Variants in AGTR1 observed in about 807,000 individuals in gnomAD.
The protein encoded by AGTR1 is type-1 angiotensin II receptor.
Under a neutral mutation model 19.4 loss-of-function variants are expected in AGTR1, and 16 were observed. The ratio of observed to expected loss-of-function variants is 0.82; its 90% CI spans 0.56 to 1.25. The LOEUF (loss-of-function observed/expected upper bound fraction) is 1.25. Among genes scored for constraint, AGTR1 ranks in the 50% most tolerant of loss-of-function variants. The pLI, the probability that AGTR1 is intolerant of heterozygous loss-of-function variation, is 0.00. For synonymous variants in AGTR1, 153 were observed against 154.9 expected (o/e 0.99, Z 0.09); for missense variants, 373 against 431.9 (o/e 0.86, Z 1.21).
chr3:148,729,542 A>C lies in AGTR1; in HGVS notation c.-47-11447A>C, dbSNP rs12721257. Among the ~76,000 whole-genome samples, 1,351 of 152,332 alleles carry C rather than the reference A, an allele frequency of 8.9e-3. 17 individuals are homozygous for C. Among genetic ancestry groups the C allele is most frequent in the African/African-American group, 0.031 (1,284 of 41,576 alleles). On this transcript the variant is annotated intron_variant, in intron 2 of 2. Transcript: ENST00000349243. Reference sequence around the variant, plus strand: ...TCAAATCTGATGTGTGACATCTGGTAACTCATTTATTGCTAATGAAGTTTT... The same window carrying C: ...TCAAATCTGATGTGTGACATCTGGTCACTCATTTATTGCTAATGAAGTTTT...
intron 2 of AGTR1, among the ~76,000 whole-genome samples, chr3:148,739,034 G>A (rs1576540478): frequency 1.3e-5 from 2 of 152,188 alleles, no homozygotes; most frequent in African/African-American, 2.4e-5. Flanking sequence ...CAGACCAGTG[G>A]AGAAGACAGA....
chr3:148,741,290 T>G lies in AGTR1; in HGVS notation c.255T>G (p.Ala85=). The G allele has an allele frequency of 6.2e-7, 1 of 1,612,994 alleles. No homozygotes were observed. Among genetic ancestry groups the G allele is most frequent in the East Asian group, 2.2e-5 (1 of 44,886 alleles). Residue 85 remains alanine, a synonymous_variant, in exon 3 of 3, where the codon GCT becomes GCG. Coordinates refer to ENST00000349243, the MANE Select transcript of AGTR1 (RefSeq NM_000685.5). ...TTTTACTGACTTTGCCACTATGGGCTGTCTACACAGCTATGGAATACCGCT... is the reference window on the plus strand; with the variant it reads ...TTTTACTGACTTTGCCACTATGGGCGGTCTACACAGCTATGGAATACCGCT... ...LCFLLTLPLW[A]VYTAMEYRWP... is the part of the protein sequence containing the mutation.
rs559245147 is a variant in AGTR1, at chr3:148,724,451, C to A, written c.-48+16424C>A. On this transcript the variant is annotated intron_variant, in intron 2 of 2. Coordinates refer to ENST00000349243, the MANE Select transcript of AGTR1 (RefSeq NM_000685.5). Reference sequence around the variant, plus strand: ...AAGACTGTAGAGAATAGTAGTTCAACCACATTTTAGGTTAAAATAGACTTT... The same window carrying A: ...AAGACTGTAGAGAATAGTAGTTCAAACACATTTTAGGTTAAAATAGACTTT... Among the ~76,000 whole-genome samples the A allele has an allele frequency of 1.1e-4, 17 of 152,260 alleles. No homozygotes were observed. In the South Asian group the frequency reaches 2.3e-3, roughly 20 times the overall value.
chr3:148,717,581 T>G (rs1713375240), intron 2 of AGTR1, among the ~76,000 whole-genome samples: 1 of 152,172 alleles, frequency 6.6e-6, no homozygotes, highest in African/African-American at 2.4e-5. Flanking sequence ...ATACTGATAC[T>G]GGGTACAAGT....
At position 148,716,024 on chromosome 3, in the gene AGTR1, G is replaced by C. The variant is rs979722704; in HGVS notation, c.-48+7997G>C. 6.6e-6 allele frequency among the ~76,000 whole-genome samples: 1 copy of C among 152,170 alleles called. No homozygotes were observed. The highest frequency in any genetic ancestry group is 2.4e-5 in the African/African-American group (1 of 41,438). ...CTGCATACTTAAATGCTATGCAACA[G>C]TGGCACTTACCCCCAAACCGTATCC... On this transcript the variant is annotated intron_variant, in intron 2 of 2. Transcript: ENST00000349243. This position sits in a 1 kb window ranked among gnomAD's most constrained non-coding sequence, Gnocchi z 4.7.
chr3:148,727,835 A>T (rs1240549953), intron 2 of AGTR1, among the ~76,000 whole-genome samples: 1 of 152,216 alleles, frequency 6.6e-6, no homozygotes, highest in East Asian at 1.9e-4. Flanking sequence ...ATAAAAGGTG[A>T]GAGATATAAA....
At chr3:148,706,403 G>A (rs1712670313) in intron 1 of AGTR1, among the ~76,000 whole-genome samples, 1 of 151,570 alleles carries the variant, frequency 6.6e-6, no homozygotes, top group South Asian at 2.1e-4. Flanking sequence ...TGCTAAAGTT[G>A]GTTTAAAAAT....
intron 1 of AGTR1, among the ~76,000 whole-genome samples, chr3:148,707,045 A>G (rs1712708180): frequency 6.6e-6 from 1 of 152,062 alleles, no homozygotes; most frequent in Admixed American, 6.6e-5. Flanking sequence ...AACTGAAAAA[A>G]AAGATTAAGG....
At chr3:148,733,273 A>G (rs1011535238) in intron 2 of AGTR1, among the ~76,000 whole-genome samples, 2 of 152,222 alleles carry the variant, frequency 1.3e-5, no homozygotes, top group African/African-American at 4.8e-5. Flanking sequence ...TTCTAGCTTC[A>G]TTTAAAATTT....
At position 148,741,471 on chromosome 3, in the gene AGTR1, A is replaced by G; in HGVS notation, c.436A>G (p.Lys146Glu). The G allele has an allele frequency of 6.2e-7, 1 of 1,612,908 alleles. No individual in the cohort carries two copies. Among genetic ancestry groups the G allele is most frequent in the Non-Finnish European group, 8.5e-7 (1 of 1,180,016 alleles). ...SRLRRTMLVA[K>E]VTCIIIWLLA... ...CCTTCGACGCACAATGCTTGTAGCC[A>G]AAGTCACCTGCATCATCATTTGGCT... The change falls in exon 3 of 3, where the codon AAA becomes GAA. Residue 146 changes from lysine to glutamate, a missense_variant. Coordinates refer to ENST00000349243, the MANE Select transcript of AGTR1 (RefSeq NM_000685.5).
intron 2 of AGTR1, among the ~76,000 whole-genome samples, chr3:148,713,319 G>A (rs527588312): frequency 0.015 from 1,929 of 130,770 alleles, 41 homozygotes; most frequent in Middle Eastern, 0.047. Flanking sequence ...TGGAGGGGGG[G>A]AATATATATA....
chr3:148,714,600 G>A (rs1196309856), intron 2 of AGTR1, among the ~76,000 whole-genome samples: 3 of 152,060 alleles, frequency 2.0e-5, no homozygotes, highest in African/African-American at 7.2e-5. Context: ...AGAAATGGGT[G>A]GGATTTTAAA....
intron 1 of AGTR1, among the ~76,000 whole-genome samples, chr3:148,705,147 G>T (rs1050285499): frequency 2.6e-5 from 4 of 152,100 alleles, no homozygotes; most frequent in Admixed American, 6.6e-5. Context: ...AATATTTGTG[G>T]CTGTGGCTGA....
Position 148,741,903 on chromosome 3 carries a change from A to G in AGTR1, c.868A>G (p.Ile290Val), listed in dbSNP as rs777193000. Residue 290 changes from isoleucine (I) to valine (V), a missense_variant, in exon 3 of 3, where the codon ATA becomes GTA. By Grantham distance (29) the Ile-to-Val change is conservative. Coordinates refer to ENST00000349243, the MANE Select transcript of AGTR1 (RefSeq NM_000685.5). ...CACGGCCATGCCTATCACCATTTGT[A>G]TAGCTTATTTTAACAATTGCCTGAA... ...VDTAMPITICIAYFNNCLNPL... is the reference protein window; with the variant it reads ...VDTAMPITICVAYFNNCLNPL... 8.9e-5 allele frequency: 144 copies of G among 1,614,140 alleles called. No homozygotes were observed. The highest frequency in any genetic ancestry group is 3.3e-4 in the Middle Eastern group (2 of 6,062).
intron 1 of AGTR1, among the ~76,000 whole-genome samples, chr3:148,703,181 CT>C (rs1304370023): frequency 2.0e-5 from 3 of 152,282 alleles, no homozygotes; most frequent in African/African-American, 4.8e-5. Flanking sequence ...TTTTCTCCCC[CT>C]GTCCTCATTC....
intron 2 of AGTR1, among the ~76,000 whole-genome samples, chr3:148,726,240 G>A (rs190217898): frequency 3.7e-4 from 55 of 150,510 alleles, no homozygotes; most frequent in Admixed American, 1.9e-3. Flanking sequence ...ACGGAGTCTC[G>A]CTCTGTTGCC....
rs753171327 is a variant in AGTR1, at chr3:148,713,346, T to A, written c.-48+5319T>A. Among the ~76,000 whole-genome samples the A allele has an allele frequency of 3.9e-5, 6 of 152,078 alleles. No homozygotes were observed. The Middle Eastern group carries it at 0.01, about 262-fold the overall frequency. ...ATATATATATATATATATGTATGTC[T>A]CCCAAGAGAAAGTAATTCTGCAATC... On this transcript the variant is annotated intron_variant, in intron 2 of 2. Coordinates refer to ENST00000349243, the MANE Select transcript of AGTR1 (RefSeq NM_000685.5).
intron 2 of AGTR1, among the ~76,000 whole-genome samples, chr3:148,726,704 G>T (rs568305420): frequency 6.6e-6 from 1 of 152,118 alleles, no homozygotes; most frequent in East Asian, 1.9e-4. Flanking sequence ...ATGCGGGAAA[G>T]GCTGTGTGCC....
rs1415900126 is a variant in AGTR1 at position 148,742,965 on chromosome 3, A to G, written c.*850A>G. 7 of 163,784 alleles carry G rather than the reference A, an allele frequency of 4.3e-5. No homozygotes were observed. Among genetic ancestry groups the G allele is most frequent in the African/African-American group, 1.7e-4 (7 of 41,556 alleles). The allele number at this position is 163,784 out of a possible 1,614,324, so 10.1% of individuals were successfully genotyped here. A position where few individuals can be genotyped will look rare whatever the true frequency, so the allele number is the denominator to read the frequency against. On this transcript the variant is annotated 3_prime_UTR_variant, in exon 3 of 3. Transcript: ENST00000349243. ...GCTGTTAATTGATTAAAATCTGGCA[A>G]AGTTATATTTACTTTAAAATAAAAT... is the stretch of plus-strand genomic sequence containing the variant.
Sources: allele counts gnomAD v4.1 joint callset (sites outside exome capture counted in the v4.1 genomes callset), GRCh38; gene constraint gnomAD v4.1.1; non-coding constraint Gnocchi (gnomAD v3.1); transcripts MANE v1.5; gene names NCBI Gene and HGNC (gene_info 2026-07-23, HGNC 2026-07-21).